SPRR2B: variants seen among roughly 807,000 people sequenced by gnomAD.
SPRR2B encodes the protein small proline-rich protein 2B.
In SPRR2B, 1 loss-of-function variant was observed where a neutral mutation model predicts 1.0. The ratio of observed to expected loss-of-function variants is 1.01; its 90% CI spans 0.36 to 4.77. The LOEUF (loss-of-function observed/expected upper bound fraction) is 4.77, where lower values mean the gene tolerates loss of function less well. Among genes scored for constraint, SPRR2B ranks in the 30% most tolerant of loss-of-function variants. The pLI is 0.16. For missense variants in SPRR2B, 53 were observed against 88.7 expected, an observed-to-expected ratio of 0.60 and a Z score of 1.62; for synonymous variants, 27 against 33.4, an observed-to-expected ratio of 0.81 and a Z score of 0.66.
upstream of SPRR2B, among the ~76,000 whole-genome samples, chr1:153,076,451 T>A (rs1654768192): frequency 2.0e-5 from 3 of 152,156 alleles, no homozygotes; most frequent in African/African-American, 7.2e-5. Context: ...ATAGTGAATG[T>A]GCATAGGCTG....
chr1:153,074,449 G>A (rs1245684862), upstream of SPRR2B, among the ~76,000 whole-genome samples: 1 of 152,154 alleles, frequency 6.6e-6, no homozygotes, highest in Non-Finnish European at 1.5e-5. Flanking sequence ...TCTGTCTTCT[G>A]CTTTTATTTC....
upstream of SPRR2B, among the ~76,000 whole-genome samples, chr1:153,076,040 A>G (rs1049965144): frequency 2.6e-5 from 4 of 152,214 alleles, no homozygotes; most frequent in East Asian, 5.8e-4. Flanking sequence ...ATGTATAGAT[A>G]TATGTATTCT....
the SPRR2B span, among the ~76,000 whole-genome samples, chr1:153,078,260 C>A: frequency 0.016 from 2,409 of 152,194 alleles, 63 homozygotes; most frequent in African/African-American, 0.055. Flanking sequence ...CCAAAAGAGA[C>A]CAGAGGTGGC....
chr1:153,070,442 C>A lies in SPRR2B; in HGVS notation c.*179G>T. 1 of 1,232,616 alleles carries A rather than the reference C, an allele frequency of 8.1e-7. No individual in the cohort carries two copies. Among genetic ancestry groups the A allele is most frequent in the South Asian group, 1.6e-5 (1 of 62,970 alleles). The allele number at this position is 1,232,616 out of a possible 1,614,324, so 76.4% of individuals were successfully genotyped here. On this transcript the variant is annotated 3_prime_UTR_variant, in exon 2 of 2. Transcript: ENST00000368755. Reference sequence around the variant, plus strand: ...CTCCACCTGGACAGTGGCAGTATGGCAGCCTTAGAAAGGAAACCTTTTGCT... The same window carrying A: ...CTCCACCTGGACAGTGGCAGTATGGAAGCCTTAGAAAGGAAACCTTTTGCT...
At chr1:153,082,523 C>G in the SPRR2B span, among the ~76,000 whole-genome samples, 2 of 152,010 alleles carry the variant, frequency 1.3e-5, no homozygotes, top group Non-Finnish European at 2.9e-5. Flanking sequence ...TTTCCAATCA[C>G]AAGGAAATAA....
chr1:153,073,962 T>G (rs912009444), upstream of SPRR2B, among the ~76,000 whole-genome samples: 1 of 152,212 alleles, frequency 6.6e-6, no homozygotes, highest in Non-Finnish European at 1.5e-5. Flanking sequence ...ATTCACTCAT[T>G]TGTGCGTGTG....
the SPRR2B span, among the ~76,000 whole-genome samples, chr1:153,080,700 A>G: frequency 6.6e-6 from 1 of 152,222 alleles, no homozygotes; most frequent in Non-Finnish European, 1.5e-5. Flanking sequence ...TAAATAAAAT[A>G]TAAACACTAT....
At chr1:153,081,876 G>A in the SPRR2B span, among the ~76,000 whole-genome samples, 3 of 144,656 alleles carry the variant, frequency 2.1e-5, no homozygotes, top group Admixed American at 2.1e-4. Context: ...AAGCTGGAAT[G>A]CAGTGGCAGA....
the SPRR2B span, among the ~76,000 whole-genome samples, chr1:153,086,117 A>G: frequency 2.0e-5 from 3 of 152,210 alleles, no homozygotes; most frequent in African/African-American, 7.2e-5. Flanking sequence ...TAAGGCAACC[A>G]CATAAACAAG....
At chr1:153,084,416 A>G in the SPRR2B span, among the ~76,000 whole-genome samples, 9 of 152,244 alleles carry the variant, frequency 5.9e-5, no homozygotes, top group East Asian at 1.5e-3. Context: ...CAACACTGCC[A>G]TGGGAGTGAA....
At chr1:153,085,130 C>T in the SPRR2B span, among the ~76,000 whole-genome samples, 1 of 152,154 alleles carries the variant, frequency 6.6e-6, no homozygotes, top group African/African-American at 2.4e-5. Context: ...CTTTGTTCCT[C>T]CAAACAACCA....
rs996913504 is a variant in SPRR2B at position 153,070,342 on chromosome 1, G to A, written c.*279C>T. 3.1e-4 allele frequency: 179 copies of A among 581,954 alleles called. No individual in the cohort carries two copies. The Middle Eastern group carries it at 3.2e-3, about 10-fold the overall frequency. 36.0% of individuals were successfully genotyped at this position (581,954 alleles called of 1,614,324 possible). ...AACACATCAACAGAATTCTCTGATG[G>A]TTCCCAGGCACACAGCTGCAGCTCT... On this transcript the variant is annotated 3_prime_UTR_variant, in exon 2 of 2. Transcript: ENST00000368755.
chr1:153,077,361 G>A, the SPRR2B span, among the ~76,000 whole-genome samples: 25,103 of 152,060 alleles, frequency 0.17, 3,536 homozygotes, highest in East Asian at 0.49. Flanking sequence ...GAGACTCTCC[G>A]GTTGAAATAA....
chr1:153,079,497 G>A, the SPRR2B span, among the ~76,000 whole-genome samples: 1 of 152,098 alleles, frequency 6.6e-6, no homozygotes, highest in South Asian at 2.1e-4. Flanking sequence ...TATGGTTTTA[G>A]GTCTAACATT....
chr1:153,082,720 G>C, the SPRR2B span, among the ~76,000 whole-genome samples: 1 of 151,680 alleles, frequency 6.6e-6, no homozygotes, highest in Non-Finnish European at 1.5e-5. Context: ...AGTGCTAACA[G>C]GGAAATTTAT....
upstream of SPRR2B, among the ~76,000 whole-genome samples, chr1:153,072,421 G>T (rs1654686033): frequency 2.0e-5 from 3 of 152,114 alleles, no homozygotes; most frequent in Admixed American, 6.5e-5. Context: ...AAAGTTACAA[G>T]CATTCATTTT....
chr1:153,075,222 A>T (rs1020316931), upstream of SPRR2B, among the ~76,000 whole-genome samples: 1 of 152,106 alleles, frequency 6.6e-6, no homozygotes, highest in East Asian at 1.9e-4. Flanking sequence ...AGGGGCCTGT[A>T]ATCCCAGCTA....
At chr1:153,082,770 C>T in the SPRR2B span, among the ~76,000 whole-genome samples, 1 of 151,576 alleles carries the variant, frequency 6.6e-6, no homozygotes, top group South Asian at 2.1e-4. Context: ...AAAAAAAGAT[C>T]TCAGATAAAT....
upstream of SPRR2B, among the ~76,000 whole-genome samples, chr1:153,072,510 C>A (rs562689473): frequency 1.4e-4 from 22 of 152,252 alleles, no homozygotes; most frequent in Non-Finnish European, 2.9e-4. Context: ...CTTACAGTAT[C>A]TTATGTAAAT....
Sources: gnomAD v4.1 joint callset for allele counts (sites outside exome capture counted in the v4.1 genomes callset) on GRCh38, gnomAD v4.1.1 for gene constraint, MANE v1.5 for transcripts, NCBI Gene and HGNC (gene_info 2026-07-23, HGNC 2026-07-21) for gene names.